ZDHHC11: variants seen among roughly 807,000 people sequenced by gnomAD.
ZDHHC11 encodes the protein palmitoyltransferase ZDHHC11.
Under a neutral mutation model 51.3 loss-of-function variants are expected in ZDHHC11, and 44 were observed. The ratio of observed to expected loss-of-function variants is 0.86; its 90% CI spans 0.67 to 1.10. ZDHHC11 has a LOEUF of 1.10. ZDHHC11 is among the 50% of genes least tolerant of loss of function. The probability of loss-of-function intolerance (pLI) is 0.00; values close to 1 mark genes in which losing one functional copy is unlikely to be tolerated. For missense variants in ZDHHC11, 400 were observed against 537.7 expected, an observed-to-expected ratio of 0.74 and a Z score of 2.53; for synonymous variants, 163 against 222.0, an observed-to-expected ratio of 0.73 and a Z score of 2.36.
In ZDHHC11 at chr5:814,783, C is replaced by T. The variant is rs544847786; in HGVS notation, c.1159G>A (p.Ala387Thr). 1 of 1,549,154 alleles carries T rather than the reference C, an allele frequency of 6.5e-7. No individual in the cohort carries two copies. The highest frequency in any genetic ancestry group is 1.4e-5 in the African/African-American group (1 of 72,548). The change falls in exon 11 of 13, where the codon GCC (alanine) becomes ACC (threonine). Residue 387 changes from alanine (A) to threonine (T), a missense_variant. This residue lies in a region of ZDHHC11 where 231 missense variants were observed against 227.4 expected (regional missense o/e 1.02). Coordinates refer to ENST00000283441, the MANE Select transcript of ZDHHC11 (RefSeq NM_024786.3). The stretch of plus-strand genomic sequence containing the variant: ...TACCCAAGTGTAGATATACTCGGGG[C>T]ATCATCTGCTTCCTGTGGGGGGAAG... ...GGSMAQEADD[A>T]PSISTLGLQQ...
At chr5:837,064 A>AC (rs1370827837) in intron 6 of ZDHHC11, among the ~76,000 whole-genome samples, 1 of 152,034 alleles carries the variant, frequency 6.6e-6, no homozygotes, top group Non-Finnish European at 1.5e-5. Flanking sequence ...CTCAAAAAAA[A>AC]AGATGCAAAA....
intron 8 of ZDHHC11, chr5:823,913 G>A (rs1741903211): frequency 2.6e-6 from 1 of 381,706 alleles, no homozygotes; most frequent in Non-Finnish European, 5.4e-6. Context: ...CTGGGCCAGG[G>A]TGGGCTGGGG....
chr5:816,430 C>A, intron 10 of ZDHHC11: 2 of 447,208 alleles, frequency 4.5e-6, no homozygotes, highest in South Asian at 3.4e-5. Flanking sequence ...GCGGGACAGG[C>A]AGTGGCCGTA....
intron 11 of ZDHHC11, among the ~76,000 whole-genome samples, chr5:809,014 C>CACACAGACACACACAT (rs1554050773): frequency 4.8e-4 from 66 of 138,672 alleles, no homozygotes; most frequent in Non-Finnish European, 8.6e-4. Flanking sequence ...CACACACACA[C>CACACAGACACACACAT]GCACACTATT....
chr5:860,023 G>A (rs1250329242), upstream of ZDHHC11, among the ~76,000 whole-genome samples: 2 of 152,210 alleles, frequency 1.3e-5, no homozygotes, highest in Non-Finnish European at 2.9e-5. This position sits in a 1 kb window ranked among gnomAD's most constrained non-coding sequence, Gnocchi z 4.2. Flanking sequence ...CCTCTTGCCG[G>A]CTGAAGCCTG....
chr5:828,692 G>A (rs150861956), intron 7 of ZDHHC11, among the ~76,000 whole-genome samples: 3,821 of 151,062 alleles, frequency 0.025, 282 homozygotes, highest in African/African-American at 0.085. Flanking sequence ...AACAACTGCA[G>A]AATGTACATT....
At chr5:837,050 C>T (rs573300279) in intron 6 of ZDHHC11, among the ~76,000 whole-genome samples, 1 of 151,464 alleles carries the variant, frequency 6.6e-6, no homozygotes, top group Non-Finnish European at 1.5e-5. Context: ...GAGCGAGACT[C>T]TGTCTCAAAA....
intron 5 of ZDHHC11, among the ~76,000 whole-genome samples, chr5:837,994 C>G (rs573073644): frequency 6.6e-6 from 1 of 152,078 alleles, no homozygotes; most frequent in South Asian, 2.1e-4. Context: ...GAGGACCACG[C>G]AGTGGGGCGG....
intron 5 of ZDHHC11, chr5:839,892 C>T: frequency 2.8e-6 from 1 of 360,426 alleles, no homozygotes; most frequent in Non-Finnish European, 5.1e-6. Context: ...GCAGCTGGCC[C>T]ACCATGACCA....
At chr5:814,439 T>C (rs1579589406) in intron 11 of ZDHHC11, among the ~76,000 whole-genome samples, 1 of 151,534 alleles carries the variant, frequency 6.6e-6, no homozygotes, top group East Asian at 1.9e-4. Flanking sequence ...GATCTGACTC[T>C]CAATGAAACA....
chr5:811,619 G>C (rs1448367494), intron 11 of ZDHHC11, among the ~76,000 whole-genome samples: 7 of 146,118 alleles, frequency 4.8e-5, no homozygotes, highest in Non-Finnish European at 8.9e-5. Flanking sequence ...CCCACCTGGG[G>C]AAGACTGACT....
At chr5:827,486 C>G (rs2150351548) in intron 7 of ZDHHC11, among the ~76,000 whole-genome samples, 1 of 151,150 alleles carries the variant, frequency 6.6e-6, no homozygotes, top group East Asian at 1.9e-4. Flanking sequence ...CTTCAAGAGA[C>G]ACACCTAATG....
chr5:837,924 C>T (rs868820858), intron 5 of ZDHHC11, among the ~76,000 whole-genome samples: 3 of 151,920 alleles, frequency 2.0e-5, no homozygotes, highest in Non-Finnish European at 2.9e-5. Flanking sequence ...CTGTGGGGTT[C>T]CCCACATCTG....
chr5:807,050 A>G (rs1199891012), intron 11 of ZDHHC11, among the ~76,000 whole-genome samples: 1 of 151,024 alleles, frequency 6.6e-6, no homozygotes, highest in Non-Finnish European at 1.5e-5. Flanking sequence ...ACAGCTGGGT[A>G]GCAAAAAACT....
At chr5:820,658 G>A (rs1040348443) in intron 9 of ZDHHC11, among the ~76,000 whole-genome samples, 1 of 151,290 alleles carries the variant, frequency 6.6e-6, no homozygotes, top group African/African-American at 2.4e-5. Context: ...CTCTGTGGGG[G>A]CTGTGATGTG....
chr5:798,490 G>A (rs1330854109), intron 12 of ZDHHC11, among the ~76,000 whole-genome samples: 2 of 150,502 alleles, frequency 1.3e-5, no homozygotes, highest in Non-Finnish European at 3.0e-5. Flanking sequence ...CACATGACTA[G>A]AACCTCTGGC....
intron 7 of ZDHHC11, among the ~76,000 whole-genome samples, chr5:827,148 AG>A (rs1428158998): frequency 6.7e-6 from 1 of 150,074 alleles, no homozygotes; most frequent in African/African-American, 2.4e-5. Flanking sequence ...AATGAAGTAG[AG>A]AAAATGTCTG....
chr5:813,206 T>A (rs1740317895), intron 11 of ZDHHC11, among the ~76,000 whole-genome samples: 1 of 142,028 alleles, frequency 7.0e-6, no homozygotes, highest in African/African-American at 2.8e-5. Flanking sequence ...CATGAGCCTG[T>A]GGTCCCAGCT....
At chr5:810,694 A>G (rs1343272425) in intron 11 of ZDHHC11, among the ~76,000 whole-genome samples, 1 of 151,518 alleles carries the variant, frequency 6.6e-6, no homozygotes, top group Non-Finnish European at 1.5e-5. Flanking sequence ...CTGGAAGCAT[A>G]TTCTGTGACA....
Sources: gnomAD v4.1 joint callset for allele counts (sites outside exome capture counted in the v4.1 genomes callset) on GRCh38, gnomAD v4.1.1 for gene constraint, gnomAD v4.1.1 regional missense constraint, Gnocchi (gnomAD v3.1) non-coding constraint, MANE v1.5 for transcripts, NCBI Gene and HGNC (gene_info 2026-07-23, HGNC 2026-07-21) for gene names.